The following PUS7 variants were observed in gnomAD, a reference collection of about 807,000 sequenced individuals.
The protein encoded by PUS7 is pseudouridine synthase 7, also known as pseudouridylate synthase 7 homolog.
PUS7 carries 48 observed loss-of-function variants against 79.8 expected under a neutral mutation model. The ratio of observed to expected loss-of-function variants is 0.60; its 90% CI spans 0.48 to 0.76. PUS7 has a LOEUF of 0.76. Ranked by LOEUF, PUS7 falls within the 30% of genes least tolerant of loss-of-function variation. The pLI, the probability that PUS7 is intolerant of heterozygous loss-of-function variation, is 0.00. For missense variants in PUS7, 729 were observed against 797.6 expected, an observed-to-expected ratio of 0.91 and a Z score of 1.04; for synonymous variants, 286 against 272.2, an observed-to-expected ratio of 1.05 and a Z score of -0.50.
At chr7:105,511,592 C>T (rs1825704876) in intron 1 of PUS7, among the ~76,000 whole-genome samples, 1 of 149,218 alleles carries the variant, frequency 6.7e-6, no homozygotes, top group Non-Finnish European at 1.5e-5. Flanking sequence ...TGAAACCCCT[C>T]TCTAGTAAAA....
rs141108039 is a variant in PUS7, at chr7:105,508,446, T to A, written c.67A>T (p.Ser23Cys). 9 of 1,614,052 alleles carry A rather than the reference T, an allele frequency of 5.6e-6. No individual in the cohort carries two copies. Among genetic ancestry groups the A allele is most frequent in the Non-Finnish European group, 6.8e-6 (8 of 1,180,034 alleles). The change falls in exon 2 of 16, where the codon AGT (serine) becomes TGT (cysteine). Residue 23 changes from serine (S) to cysteine (C), a missense_variant. By Grantham distance (112) the Ser-to-Cys change is moderately radical (BLOSUM62 -1). Coordinates refer to ENST00000469408, the MANE Select transcript of PUS7 (RefSeq NM_019042.5). ...RGALVVEDND[S>C]GVPVEETKKQ... ...TTTGTCTCTTCAACTGGGACTCCACTGTCATTATCTTCGACAACCAGTGCC... is the reference window on the plus strand; with the variant it reads ...TTTGTCTCTTCAACTGGGACTCCACAGTCATTATCTTCGACAACCAGTGCC...
chr7:105,516,623 T>C (rs1825906375), intron 1 of PUS7, among the ~76,000 whole-genome samples: 1 of 151,998 alleles, frequency 6.6e-6, no homozygotes, highest in Non-Finnish European at 1.5e-5. Context: ...CCAGCTAATT[T>C]TTGTGTTTTT....
rs148453798 is a variant in PUS7 at position 105,462,716 on chromosome 7, G to A, written c.1662C>T (p.Asp554=). Residue 554 remains aspartate, a synonymous_variant, in exon 14 of 16, where the codon GAC becomes GAT. Transcript: ENST00000469408. ...GTCTCATGTTGTCAATATCAAGATT[G>A]TCAGCTGTGAGCATTTCCCTGTAGG... The part of the protein sequence containing the change: ...QEAYREMLTA[D]NLDIDNMRHK... 2.2e-5 allele frequency: 36 copies of A among 1,613,578 alleles called. No individual in the cohort carries two copies. In the African/African-American group the frequency reaches 4.0e-4, roughly 18 times the overall value.
chr7:105,488,727 A>C (rs970250760), intron 7 of PUS7, among the ~76,000 whole-genome samples: 1 of 152,260 alleles, frequency 6.6e-6, no homozygotes, highest in Non-Finnish European at 1.5e-5. Flanking sequence ...ATAAGAATAC[A>C]TAAGTATTGC....
chr7:105,467,911 C>T (rs1675768258), intron 12 of PUS7, among the ~76,000 whole-genome samples: 2 of 151,758 alleles, frequency 1.3e-5, no homozygotes, highest in Admixed American at 6.6e-5. Context: ...TTTGCATGGT[C>T]CCTTCATCTC....
chr7:105,508,909 G>C (rs1205683224), intron 1 of PUS7, among the ~76,000 whole-genome samples: 1 of 125,464 alleles, frequency 8.0e-6, no homozygotes, highest in African/African-American at 2.7e-5. Flanking sequence ...GGTCAGGCAC[G>C]GTGGCTCACA....
At chr7:105,484,002 G>C (rs1562800216) in intron 7 of PUS7, among the ~76,000 whole-genome samples, 1 of 152,120 alleles carries the variant, frequency 6.6e-6, no homozygotes, top group Non-Finnish European at 1.5e-5. Flanking sequence ...TAAACACTTT[G>C]GTAGAAATAT....
chr7:105,509,015 C>T (rs1825594166), intron 1 of PUS7, among the ~76,000 whole-genome samples: 1 of 143,968 alleles, frequency 6.9e-6, no homozygotes, highest in South Asian at 2.4e-4. Flanking sequence ...CCCATCTCTA[C>T]TAAAAATACA....
At chr7:105,461,593 A>G (rs1204792896) in intron 14 of PUS7, among the ~76,000 whole-genome samples, 3 of 152,334 alleles carry the variant, frequency 2.0e-5, no homozygotes, top group East Asian at 1.9e-4. Flanking sequence ...AGTAATAACA[A>G]TAATAACTAA....
chr7:105,458,089 G>A (rs1251594023), intron 15 of PUS7, among the ~76,000 whole-genome samples, 163 bp from the exon 16 acceptor site: 3 of 152,132 alleles, frequency 2.0e-5, no homozygotes, highest in African/African-American at 7.2e-5. Context: ...AGAGATCTGT[G>A]AGTGTGAACC....
At position 105,498,147 on chromosome 7, in the gene PUS7, T is replaced by C. The variant is rs534525180; in HGVS notation, c.731-2894A>G. 1.1e-4 allele frequency among the ~76,000 whole-genome samples: 16 copies of C among 152,322 alleles called. No homozygotes were observed. The Middle Eastern group carries it at 0.02, about 194-fold the overall frequency. Reference sequence around the variant, plus strand: ...CAAGCACTGAGCATGCATACAATTATCTCCTTTGCAAACAACAGATACAAG... The same window carrying C: ...CAAGCACTGAGCATGCATACAATTACCTCCTTTGCAAACAACAGATACAAG... On this transcript the variant is annotated intron_variant, in intron 5 of 15. Coordinates refer to ENST00000469408, the MANE Select transcript of PUS7 (RefSeq NM_019042.5).
chr7:105,497,312 ATC>A (rs1443755100), intron 5 of PUS7, among the ~76,000 whole-genome samples: 1 of 152,180 alleles, frequency 6.6e-6, no homozygotes, highest in African/African-American at 2.4e-5. Flanking sequence ...CCAAAAAGAG[ATC>A]TGTTTACTTA....
chr7:105,474,478 C>T (rs915170073), intron 9 of PUS7, among the ~76,000 whole-genome samples: 1 of 151,968 alleles, frequency 6.6e-6, no homozygotes, highest in Non-Finnish European at 1.5e-5. Flanking sequence ...CACTAAAAAA[C>T]CTTTGTTAGG....
chr7:105,520,519 A>AAAATAAATAAATAAAT (rs139684453), intron 1 of PUS7, among the ~76,000 whole-genome samples: 2 of 140,554 alleles, frequency 1.4e-5, no homozygotes, highest in Admixed American at 7.3e-5. Flanking sequence ...AGACTGTCTC[A>AAAATAAATAAATAAAT]AAATAAATAA....
chr7:105,518,688 A>T (rs989621838), intron 1 of PUS7, among the ~76,000 whole-genome samples: 1 of 152,162 alleles, frequency 6.6e-6, no homozygotes, highest in African/African-American at 2.4e-5. Context: ...CGCCCAGGCC[A>T]AACAGTCCCT....
rs573382342 is a variant in PUS7, at chr7:105,457,064, G to A, written c.*726C>T. On this transcript the variant is annotated 3_prime_UTR_variant, in exon 16 of 16. Coordinates refer to ENST00000469408, the MANE Select transcript of PUS7 (RefSeq NM_019042.5). The stretch of plus-strand genomic sequence containing the variant: ...GAGAGTCACTGGAGCCTGGGAGGTC[G>A]AGGCTGCAGTGCAAGATTGAGAATT... 9.2e-5 allele frequency: 14 copies of A among 152,102 alleles called. No individual in the cohort carries two copies. Among genetic ancestry groups the A allele is most frequent in the African/African-American group, 3.4e-4 (14 of 41,480 alleles). The allele number at this position is 152,102 out of a possible 1,614,324, so 9.4% of individuals were successfully genotyped here.
chr7:105,500,250 G>A (rs1000686591), intron 5 of PUS7, among the ~76,000 whole-genome samples: 6 of 152,118 alleles, frequency 3.9e-5, no homozygotes, highest in African/African-American at 9.7e-5. Context: ...GGTTCACATC[G>A]CACAGCTCAG....
At chr7:105,458,258 T>C (rs1160492182) in intron 15 of PUS7, among the ~76,000 whole-genome samples, 1 of 152,150 alleles carries the variant, frequency 6.6e-6, no homozygotes, top group African/African-American at 2.4e-5. Flanking sequence ...GCCAATTTAA[T>C]TAATTAATTA....
intron 13 of PUS7, 52 bp downstream of exon 13, chr7:105,465,261 G>T: frequency 7.7e-7 from 1 of 1,296,962 alleles, no homozygotes; most frequent in Non-Finnish European, 1.1e-6. Context: ...TGAAATAGTA[G>T]CTTCATTATG....
Sources: gnomAD v4.1 joint callset for allele counts (sites outside exome capture counted in the v4.1 genomes callset) on GRCh38, gnomAD v4.1.1 for gene constraint, MANE v1.5 for transcripts, NCBI Gene and HGNC (gene_info 2026-07-23, HGNC 2026-07-21) for gene names.